The following CUL7 variants were observed in gnomAD, a reference collection of about 807,000 sequenced individuals.
The protein encoded by CUL7 is cullin 7, also known as cullin-7.
Under a neutral mutation model 177.7 loss-of-function variants are expected in CUL7, and 96 were observed. The ratio of observed to expected loss-of-function variants is 0.54; its 90% confidence interval spans 0.46 to 0.64. CUL7 has a LOEUF of 0.64. CUL7 is among the 30% of genes least tolerant of loss of function. CUL7 has a pLI of 0.00. For synonymous variants in CUL7, 824 were observed against 890.2 expected, an observed-to-expected ratio of 0.93 and a Z score of 1.32; for missense variants, 1,893 against 2,187.9, an observed-to-expected ratio of 0.87 and a Z score of 2.69.
Position 43,052,239 on chromosome 6 carries a change from TCCGGC to T in CUL7, c.545_549del (p.Gly182AspfsTer9). 1 of 1,614,190 alleles carries T rather than the reference TCCGGC, an allele frequency of 6.2e-7. No homozygotes were observed. Among genetic ancestry groups the T allele is most frequent in the Non-Finnish European group, 8.5e-7 (1 of 1,180,042 alleles). On this transcript the variant is annotated frameshift_variant, in exon 2 of 26. Coordinates refer to ENST00000265348, the MANE Select transcript of CUL7 (RefSeq NM_014780.5). LOFTEE classifies it high-confidence loss of function. This position sits in a 1 kb window ranked among gnomAD's most constrained non-coding sequence, Gnocchi z 4.5. ...TCATGGGAGGACAGGGCTTGTATCA[TCCGGC>T]CTGCACTCCAGCGAATCTGATAATC...
Position 43,038,021 on chromosome 6 carries a change from G to C in CUL7, c.4774-10C>G, listed in dbSNP as rs373197715. 29 of 1,585,980 alleles carry C rather than the reference G, an allele frequency of 1.8e-5. No homozygotes were observed. The African/African-American group carries it at 3.4e-4, about 18-fold the overall frequency. The stretch of plus-strand genomic sequence containing the variant: ...GCCAAGCCTCCAGCACCTGGTGTGG[G>C]GGAGGAAGGGAGAAGCGGTAGTTTA... On this transcript the variant is annotated splice_polypyrimidine_tract_variant and intron_variant, in intron 25 of 25. Transcript: ENST00000265348.
In CUL7 at chr6:43,051,122, C is replaced by T. The variant is rs773729391; in HGVS notation, c.1079G>A (p.Arg360His). ...SFRRSRRFRP[R>H]SEFASGNTYA... The stretch of plus-strand genomic sequence containing the variant: ...GGTATTGCCACTTGCGAACTCAGAA[C>T]GAGGGCGAAAACGTCTTGACCTCCT... Residue 360 changes from arginine to histidine, a missense_variant, in exon 4 of 26, where the codon CGT (arginine) becomes CAT (histidine). Arg to His is a conservative substitution (Grantham distance 29, BLOSUM62 0). Transcript: ENST00000265348. This position sits in a 1 kb window ranked among gnomAD's most constrained non-coding sequence, Gnocchi z 5.0. The T allele has an allele frequency of 3.7e-6, 6 of 1,614,242 alleles. No homozygotes were observed. Among genetic ancestry groups the T allele is most frequent in the African/African-American group, 2.7e-5 (2 of 75,052 alleles).
chr6:43,048,717 C>A, intron 7 of CUL7, 148 bp from the exon 8 acceptor site: 2 of 611,772 alleles, frequency 3.3e-6, no homozygotes, highest in Non-Finnish European at 2.9e-6. Flanking sequence ...GTTTGGGGAT[C>A]TAATCTCTGA....
chr6:43,039,217 G>A (rs1482847937), intron 22 of CUL7, among the ~76,000 whole-genome samples: 2 of 152,214 alleles, frequency 1.3e-5, no homozygotes, highest in East Asian at 3.8e-4. Flanking sequence ...CTGGTGCCAA[G>A]CAGGTTCTCA....
At chr6:43,038,111 C>T (rs1287685352) in intron 25 of CUL7, 100 bp from the exon 26 acceptor site, 15 of 1,505,972 alleles carry the variant, frequency 1.0e-5, no homozygotes, top group Non-Finnish European at 1.3e-5. Flanking sequence ...ACAGGATGCC[C>T]CAAGGACACG....
intron 9 of CUL7, among the ~76,000 whole-genome samples, chr6:43,047,585 A>G (rs973133102): frequency 3.9e-5 from 6 of 152,142 alleles, no homozygotes; most frequent in African/African-American, 1.2e-4. Context: ...GCAAATACCT[A>G]CTGTCACCAT....
At chr6:43,039,746 T>TC (rs1169204749) in intron 22 of CUL7, among the ~76,000 whole-genome samples, 2 of 144,412 alleles carry the variant, frequency 1.4e-5, no homozygotes, top group Non-Finnish European at 3.1e-5. Flanking sequence ...TTTTTTTTTT[T>TC]TTTTTTTTTT....
At position 43,046,548 on chromosome 6, in the gene CUL7, G is replaced by T. The variant is rs766884444; in HGVS notation, c.2451C>A (p.Ile817=). 1.9e-6 allele frequency: 3 copies of T among 1,614,166 alleles called. No individual in the cohort carries two copies. Among genetic ancestry groups the T allele is most frequent in the African/African-American group, 1.3e-5 (1 of 75,034 alleles). ...DHRRTHQPIN[I]PFFDVFLRYL... ...ATCTGAGGAACACATCAAAGAAAGG[G>T]ATGTTGATGGGTTGGTGGGTTCGTC... Residue 817 remains isoleucine, a synonymous_variant, in exon 11 of 26, where the codon ATC becomes ATA. Coordinates refer to ENST00000265348, the MANE Select transcript of CUL7 (RefSeq NM_014780.5).
At position 43,045,177 on chromosome 6, in the gene CUL7, T is replaced by C; in HGVS notation, c.3038+50A>G. The C allele has an allele frequency of 3.8e-6, 6 of 1,586,440 alleles. No individual in the cohort carries two copies. Among genetic ancestry groups the C allele is most frequent in the Non-Finnish European group, 5.1e-6 (6 of 1,165,788 alleles). On this transcript the variant is annotated intron_variant, in intron 15 of 25. Coordinates refer to ENST00000265348, the MANE Select transcript of CUL7 (RefSeq NM_014780.5). This position sits in a 1 kb window ranked among gnomAD's most constrained non-coding sequence, Gnocchi z 4.8. The stretch of plus-strand genomic sequence containing the variant: ...ACCCCTGCCTGCCAGCTATTTGCAA[T>C]AGCCTTACCTTTCCCACAGACACAA...
Position 43,050,383 on chromosome 6 carries a change from T to C in CUL7, c.1249A>G (p.Thr417Ala), listed in dbSNP as rs778751475. The C allele has an allele frequency of 6.2e-7, 1 of 1,613,990 alleles. No homozygotes were observed. The highest frequency in any genetic ancestry group is 1.1e-5 in the South Asian group (1 of 91,062). ...CAGTGCACCCAATAGGTGCGGCCTG[T>C]TGACTCCCAAAATACCTGGAGCATA... ...VPPVQVFWES[T>A]GRTYWVHWHM... Residue 417 changes from threonine (T) to alanine (A), a missense_variant, in exon 5 of 26, where the codon ACA (threonine) becomes GCA (alanine). Thr to Ala is a moderately conservative substitution (Grantham distance 58). This residue lies in a region of CUL7 where 653 missense variants were observed against 725.2 expected (regional missense o/e 0.90). Transcript: ENST00000265348. The surrounding 1 kb of genome is among the most constrained non-coding windows in gnomAD (Gnocchi z 4.1).
At chr6:43,046,649 C>A in intron 10 of CUL7, 48 bp from the exon 11 acceptor site, 1 of 1,610,746 alleles carries the variant, frequency 6.2e-7, no homozygotes, top group Non-Finnish European at 8.5e-7. Flanking sequence ...AGAAGGAACA[C>A]GGAGACACAC....
rs371891391 is a variant in CUL7, at chr6:43,038,691, G to A, written c.4442C>T (p.Ala1481Val). 1.9e-5 allele frequency: 30 copies of A among 1,613,884 alleles called. No homozygotes were observed. The highest frequency in any genetic ancestry group is 3.3e-5 in the Admixed American group (2 of 59,996). ...CGCCAGCAGACTCTCCACAGAGACC[G>A]CCTTCAGAGAACAGATGGGAGACAT... ...WLLLYLNDLKAVSVESLLAFS... is the reference protein window; with the variant it reads ...WLLLYLNDLKVVSVESLLAFS... Residue 1481 changes from alanine (A) to valine (V), a missense_variant and splice_region_variant, in exon 24 of 26, where the codon GCG becomes GTG. Ala to Val is a moderately conservative substitution (Grantham distance 64). Coordinates refer to ENST00000265348, the MANE Select transcript of CUL7 (RefSeq NM_014780.5).
In CUL7 at chr6:43,040,436, C is replaced by A. The variant is rs767854529; in HGVS notation, c.4024-10G>T. ...TGGCCCCAAGGCCCACCTGAAGGAG[C>A]ACAGGGTTCCCAGATGCCATGGCCT... On this transcript the variant is annotated splice_polypyrimidine_tract_variant and intron_variant, in intron 21 of 25. Coordinates refer to ENST00000265348, the MANE Select transcript of CUL7 (RefSeq NM_014780.5). This position sits in a 1 kb window ranked among gnomAD's most constrained non-coding sequence, Gnocchi z 4.2. The A allele has an allele frequency of 6.2e-6, 10 of 1,612,332 alleles. No individual in the cohort carries two copies. The South Asian group carries it at 9.9e-5, about 16-fold the overall frequency.
chr6:43,051,575 TC>T lies in CUL7; in HGVS notation c.732+36del. Reference sequence around the variant, plus strand: ...CAAAGGCCTGGACCCTAGATCTTGTTCACAAGTTCCCCCCACCTTACACCCC... The same window carrying T: ...CAAAGGCCTGGACCCTAGATCTTGTTACAAGTTCCCCCCACCTTACACCCC... On this transcript the variant is annotated intron_variant, in intron 3 of 25. Coordinates refer to ENST00000265348, the MANE Select transcript of CUL7 (RefSeq NM_014780.5). The surrounding 1 kb of genome is among the most constrained non-coding windows in gnomAD (Gnocchi z 5.0). 4 of 1,614,130 alleles carry T rather than the reference TC, an allele frequency of 2.5e-6. No homozygotes were observed. Among genetic ancestry groups the T allele is most frequent in the Non-Finnish European group, 3.4e-6 (4 of 1,180,020 alleles).
rs755554899 is a variant in CUL7, at chr6:43,042,878, C to T, written c.3569G>A (p.Arg1190Gln). ...QNSSSELFGP[R>Q]AAFLLALQNG... The stretch of plus-strand genomic sequence containing the variant: ...TTGCAGCGCCAGCAAGAAGGCTGCC[C>T]GAGGCCCAAACAGTTCAGAGCTTGA... Residue 1190 changes from arginine to glutamine, a missense_variant, in exon 19 of 26, where the codon CGG becomes CAG. By Grantham distance (43) the Arg-to-Gln change is conservative. Coordinates refer to ENST00000265348, the MANE Select transcript of CUL7 (RefSeq NM_014780.5). 6.2e-6 allele frequency: 10 copies of T among 1,613,854 alleles called. No individual in the cohort carries two copies. Among genetic ancestry groups the T allele is most frequent in the Middle Eastern group, 1.6e-4 (1 of 6,084 alleles).
rs1446521134 is a variant in CUL7, at chr6:43,052,727, T to C, written c.62A>G (p.Tyr21Cys). The C allele has an allele frequency of 4.3e-6, 7 of 1,612,584 alleles. No individual in the cohort carries two copies. Among genetic ancestry groups the C allele is most frequent in the Non-Finnish European group, 5.1e-6 (6 of 1,180,036 alleles). Residue 21 changes from tyrosine to cysteine, a missense_variant, in exon 2 of 26, where the codon TAT (tyrosine) becomes TGT (cysteine). Around this residue, in one of 5 missense-constraint regions of CUL7, gnomAD observed 653 missense variants for 725.2 expected, o/e 0.90. Transcript: ENST00000265348. This position sits in a 1 kb window ranked among gnomAD's most constrained non-coding sequence, Gnocchi z 4.5. ...GCGCTGGCGGATCAGCTCATCAGGA[T>C]AGGCATGTAAGCCGGGCCCCAGGGG... is the stretch of plus-strand genomic sequence containing the variant. ...RVPLGPGLHA[Y>C]PDELIRQRVG...
chr6:43,042,097 GGGAGGGAAGGAGGGAA>G (rs367968039), intron 19 of CUL7, among the ~76,000 whole-genome samples: 3 of 150,220 alleles, frequency 2.0e-5, no homozygotes, highest in Non-Finnish European at 4.4e-5. Context: ...GAGAGAAGGA[GGGAGGGAAGGAGGGAA>G]GGAGGGAAGG....
chr6:43,053,639 G>A lies in CUL7; in HGVS notation c.-26C>T. 1.5e-6 allele frequency: 2 copies of A among 1,378,166 alleles called. No homozygotes were observed. Among genetic ancestry groups the A allele is most frequent in the African/African-American group, 1.5e-5 (1 of 65,496 alleles). 85.4% of individuals were successfully genotyped at this position (1,378,166 alleles called of 1,614,324 possible). A position where few individuals can be genotyped will look rare whatever the true frequency, so the allele number is the denominator to read the frequency against. ...CTGGCCACCTCAGAAGTCCACCGGG[G>A]TCCTGGCGCGAGGCCTGTCCTTCAC... is the stretch of plus-strand genomic sequence containing the variant. On this transcript the variant is annotated 5_prime_UTR_variant, in exon 1 of 26. Transcript: ENST00000265348. The surrounding 1 kb of genome is among the most constrained non-coding windows in gnomAD (Gnocchi z 4.1).
Position 43,038,292 on chromosome 6 carries a change from A to G in CUL7, c.4748T>C (p.Leu1583Pro), listed in dbSNP as rs757724522. 6.2e-7 allele frequency: 1 copy of G among 1,614,192 alleles called. No homozygotes were observed. The highest frequency in any genetic ancestry group is 1.7e-5 in the Admixed American group (1 of 60,020). Residue 1583 changes from leucine (L) to proline (P), a missense_variant, in exon 25 of 26, where the codon CTG becomes CCG. This residue lies in a region of CUL7 where 248 missense variants were observed against 262.5 expected (regional missense o/e 0.94). Transcript: ENST00000265348. ...CAGACAGACAAGCTGGTCAATGTGC[A>G]GCCCCTCATCTCCATGGGCCTTGAG... The part of the protein sequence containing the change: ...RILKAHGDEG[L>P]HIDQLVCLVL...
Sources: allele counts gnomAD v4.1 joint callset (sites outside exome capture counted in the v4.1 genomes callset), GRCh38; gene constraint gnomAD v4.1.1; regional missense constraint gnomAD v4.1.1; non-coding constraint Gnocchi (gnomAD v3.1); transcripts MANE v1.5; gene names NCBI Gene and HGNC (gene_info 2026-07-23, HGNC 2026-07-21).